TNFSF11: variants seen among roughly 807,000 people sequenced by gnomAD.
The protein encoded by TNFSF11 is TNF superfamily member 11.
Under a neutral mutation model 32.2 loss-of-function variants are expected in TNFSF11, and 12 were observed. The observed-to-expected ratio is 0.37, with a 90% confidence interval of 0.24 to 0.60. The LOEUF (loss-of-function observed/expected upper bound fraction) is 0.60, where lower values mean the gene tolerates loss of function less well. Among genes scored for constraint, TNFSF11 ranks in the 20% least tolerant of loss-of-function variants. The probability of loss-of-function intolerance (pLI) is 0.66; values close to 1 mark genes in which losing one functional copy is unlikely to be tolerated. For missense variants in TNFSF11, 345 were observed against 398.0 expected (o/e 0.87, Z 1.13); for synonymous variants, 172 against 152.1 (o/e 1.13, Z -0.96).
chr13:42,578,311 C>T (rs1353650153), intron 1 of TNFSF11, among the ~76,000 whole-genome samples: 1 of 152,210 alleles, frequency 6.6e-6, no homozygotes, highest in Non-Finnish European at 1.5e-5. Flanking sequence ...GAGGGTCCAG[C>T]ATCAGTCTGG....
rs144226477 is a variant in TNFSF11, at chr13:42,591,932, G to A, written c.388-8820G>A. Among the ~76,000 whole-genome samples the A allele has an allele frequency of 1.9e-3, 287 of 152,308 alleles. 2 individuals are homozygous for A. Among genetic ancestry groups the A allele is most frequent in the Non-Finnish European group, 2.9e-3 (196 of 68,022 alleles). On this transcript the variant is annotated intron_variant, in intron 2 of 4. Transcript: ENST00000398795. Reference sequence around the variant, plus strand: ...CAGGAGGGCAGAGTTCTTGCAGGTGGAACTAAGAGTAATTTCATGAGGCTG... The same window carrying A: ...CAGGAGGGCAGAGTTCTTGCAGGTGAAACTAAGAGTAATTTCATGAGGCTG...
At chr13:42,569,889 A>G (rs1873000605), upstream of TNFSF11, among the ~76,000 whole-genome samples, 1 of 152,202 alleles carries the variant, frequency 6.6e-6, no homozygotes, top group Admixed American at 6.5e-5. Flanking sequence ...ATGTGAAAAA[A>G]TGTAAAACAG....
chr13:42,592,713 T>C (rs1429502364), intron 2 of TNFSF11, among the ~76,000 whole-genome samples: 1 of 152,172 alleles, frequency 6.6e-6, no homozygotes, highest in African/African-American at 2.4e-5. Flanking sequence ...TTACCTCCAA[T>C]TGTAATTCCC....
At chr13:42,590,488 C>T (rs78290567) in intron 2 of TNFSF11, among the ~76,000 whole-genome samples, 1,550 of 152,280 alleles carry the variant, frequency 0.01, 10 homozygotes, top group South Asian at 0.035. Context: ...TCTCTGACCC[C>T]CTTTGCGTCT....
At position 42,606,485 on chromosome 13, in the gene TNFSF11, T is replaced by A. The variant is rs1325392611; in HGVS notation, c.533-12T>A. ...GACTGACTTTCAAATCTTATGCCTC[T>A]CTTCTCCACAGGTTCCCATAAAGTG... is the stretch of plus-strand genomic sequence containing the variant. On this transcript the variant is annotated splice_polypyrimidine_tract_variant and intron_variant, in intron 4 of 4. Transcript: ENST00000398795. The A allele has an allele frequency of 1.2e-6, 2 of 1,614,128 alleles. No homozygotes were observed. Among genetic ancestry groups the A allele is most frequent in the Non-Finnish European group, 1.7e-6 (2 of 1,180,052 alleles).
In TNFSF11 at chr13:42,607,070, A is replaced by G. The variant is rs886050254; in HGVS notation, c.*152A>G. 3 of 930,918 alleles carry G rather than the reference A, an allele frequency of 3.2e-6. No individual in the cohort carries two copies. Among genetic ancestry groups the G allele is most frequent in the Non-Finnish European group, 4.9e-6 (3 of 618,394 alleles). The allele number at this position is 930,918 out of a possible 1,614,324, so 57.7% of individuals were successfully genotyped here. The stretch of plus-strand genomic sequence containing the variant: ...TATCCATGCTCTTGACCTTGTAGAG[A>G]ACACGCGTATTTACAGCCAGTGGGA... On this transcript the variant is annotated 3_prime_UTR_variant, in exon 5 of 5. Coordinates refer to ENST00000398795, the MANE Select transcript of TNFSF11 (RefSeq NM_003701.4).
intron 2 of TNFSF11, among the ~76,000 whole-genome samples, chr13:42,598,085 G>C (rs1868920647): frequency 6.6e-6 from 1 of 152,084 alleles, no homozygotes; most frequent in Admixed American, 6.5e-5. Context: ...AGGCTCAAGT[G>C]ATCCTCCCAC....
intron 2 of TNFSF11, among the ~76,000 whole-genome samples, chr13:42,568,491 G>A (rs985532230): frequency 1.3e-5 from 2 of 152,220 alleles, no homozygotes; most frequent in Admixed American, 6.5e-5. Flanking sequence ...TTGACACAGT[G>A]AATGTTAATT....
chr13:42,603,622 G>A (rs1169158968), intron 4 of TNFSF11, among the ~76,000 whole-genome samples: 1 of 152,010 alleles, frequency 6.6e-6, no homozygotes, highest in Non-Finnish European at 1.5e-5. Context: ...TCTGACCCAA[G>A]GCCCCACTGT....
At chr13:42,602,760 C>G (rs1315201013) in intron 4 of TNFSF11, among the ~76,000 whole-genome samples, 1 of 152,240 alleles carries the variant, frequency 6.6e-6, no homozygotes, top group Non-Finnish European at 1.5e-5. Context: ...CAAATTAATA[C>G]TAATGCATCA....
intron 2 of TNFSF11, among the ~76,000 whole-genome samples, chr13:42,589,356 C>T (rs1032237020): frequency 4.6e-5 from 7 of 152,212 alleles, no homozygotes; most frequent in African/African-American, 1.7e-4. Flanking sequence ...CAGAGGTCAT[C>T]ATCCTCTCTT....
intron 2 of TNFSF11, among the ~76,000 whole-genome samples, chr13:42,599,353 T>C (rs9566992): frequency 2.1e-5 from 3 of 144,940 alleles, no homozygotes; most frequent in East Asian, 4.1e-4. Flanking sequence ...ATCTATCATC[T>C]ATCTATCTAT....
In TNFSF11 at chr13:42,574,381, C is replaced by G; in HGVS notation, c.78C>G (p.His26Gln). Reference protein sequence around the residue: ...EEMGGGPGAPHEGPLHAPPPP... With the variant: ...EEMGGGPGAPQEGPLHAPPPP... ...TGGGCGGCGGCCCCGGAGCCCCGCA[C>G]GAGGGCCCCCTGCACGCCCCGCCGC... is the stretch of plus-strand genomic sequence containing the variant. The change falls in exon 1 of 5, where the codon CAC (histidine) becomes CAG (glutamine). Residue 26 changes from histidine (H) to glutamine (Q), a missense_variant. His to Gln is a conservative substitution (Grantham distance 24, BLOSUM62 0). Coordinates refer to ENST00000398795, the MANE Select transcript of TNFSF11 (RefSeq NM_003701.4). 6.5e-7 allele frequency: 1 copy of G among 1,545,586 alleles called. No homozygotes were observed. Among genetic ancestry groups the G allele is most frequent in the Non-Finnish European group, 8.7e-7 (1 of 1,147,128 alleles).
chr13:42,583,022 T>G (rs1480709897), intron 2 of TNFSF11, among the ~76,000 whole-genome samples: 1 of 152,156 alleles, frequency 6.6e-6, no homozygotes, highest in Admixed American at 6.5e-5. Context: ...AACTTTTTAT[T>G]TCATTGGTGT....
At chr13:42,578,969 A>G (rs1389294884) in intron 1 of TNFSF11, among the ~76,000 whole-genome samples, 2 of 152,240 alleles carry the variant, frequency 1.3e-5, no homozygotes. Flanking sequence ...TTTAATGTGT[A>G]TAAGAATCAC....
intron 2 of TNFSF11, among the ~76,000 whole-genome samples, chr13:42,584,050 A>G (rs1156448087): frequency 2.0e-5 from 3 of 152,214 alleles, no homozygotes; most frequent in Non-Finnish European, 4.4e-5. Context: ...TAAATGCTCT[A>G]AAAATAAACA....
intron 2 of TNFSF11, among the ~76,000 whole-genome samples, chr13:42,596,513 T>C (rs1189170257): frequency 6.6e-6 from 1 of 152,156 alleles, no homozygotes; most frequent in Non-Finnish European, 1.5e-5. Context: ...TAAAAGGATA[T>C]GGGCATACAG....
chr13:42,594,911 C>T (rs986978142), intron 2 of TNFSF11, among the ~76,000 whole-genome samples: 1 of 151,572 alleles, frequency 6.6e-6, no homozygotes. Flanking sequence ...TTGTGTAATC[C>T]CAGCATTTTT....
At chr13:42,606,462 C>A in intron 4 of TNFSF11, 35 bp from the exon 5 acceptor site, 2 of 1,613,740 alleles carry the variant, frequency 1.2e-6, no homozygotes. Flanking sequence ...CATTTAAGGA[C>A]TGACTTTCAA....
Sources: allele counts gnomAD v4.1 joint callset (sites outside exome capture counted in the v4.1 genomes callset), GRCh38; gene constraint gnomAD v4.1.1; transcripts MANE v1.5; gene names NCBI Gene and HGNC (gene_info 2026-07-23, HGNC 2026-07-21).